The following EDIL3 variants were observed in gnomAD, a reference collection of about 807,000 sequenced individuals.
EDIL3 encodes EGF like and discoidin domains 3.
Under a neutral mutation model 67.4 loss-of-function variants are expected in EDIL3, and 37 were observed. That is an observed-to-expected ratio of 0.55 (90% CI 0.42 to 0.72). EDIL3 has a LOEUF of 0.72. Among genes scored for constraint, EDIL3 ranks in the 30% least tolerant of loss-of-function variants. The pLI, the probability that EDIL3 is intolerant of heterozygous loss-of-function variation, is 0.00. For missense variants in EDIL3, 527 were observed against 586.3 expected (o/e 0.90, Z 1.04); for synonymous variants, 195 against 196.3 (o/e 0.99, Z 0.05).
rs190487151 is a variant in EDIL3 at position 84,117,184 on chromosome 5, C to T, written c.470-10354G>A. On this transcript the variant is annotated intron_variant, in intron 5 of 10. Transcript: ENST00000296591. ...CTGGGACTACAGGCGCCCACCATCACGCCCGGCTAATTTTTTTTTGTATTT... is the reference window on the plus strand; with the variant it reads ...CTGGGACTACAGGCGCCCACCATCATGCCCGGCTAATTTTTTTTTGTATTT... 8.3e-3 allele frequency among the ~76,000 whole-genome samples: 1,257 copies of T among 151,832 alleles called. 10 individuals carry two copies. The highest frequency in any genetic ancestry group is 0.028 in the African/African-American group (1,168 of 41,420).
intron 1 of EDIL3, among the ~76,000 whole-genome samples, chr5:84,328,619 CTA>C (rs1746812607): frequency 6.6e-6 from 1 of 152,146 alleles, no homozygotes; most frequent in East Asian, 1.9e-4. Context: ...GTTCACTCTG[CTA>C]TCTCTTTACC....
chr5:84,330,572 G>A (rs1288539853), intron 1 of EDIL3, among the ~76,000 whole-genome samples: 1 of 152,006 alleles, frequency 6.6e-6, no homozygotes, highest in African/African-American at 2.4e-5. Flanking sequence ...CCTTGATGAA[G>A]GTACAAACTT....
At chr5:84,098,536 T>G (rs1747306603) in intron 6 of EDIL3, among the ~76,000 whole-genome samples, 1 of 85,204 alleles carries the variant, frequency 1.2e-5, no homozygotes, top group South Asian at 5.3e-4. Context: ...TATTAAAGAA[T>G]GCATTAACAA....
chr5:84,307,149 A>G (rs1050067807), intron 1 of EDIL3, among the ~76,000 whole-genome samples: 2 of 152,230 alleles, frequency 1.3e-5, no homozygotes, highest in Non-Finnish European at 2.9e-5. Context: ...AAAATAAAAG[A>G]TAAGTCATTC....
At chr5:84,159,200 A>G (rs1407862439) in intron 4 of EDIL3, among the ~76,000 whole-genome samples, 1 of 152,082 alleles carries the variant, frequency 6.6e-6, no homozygotes, top group African/African-American at 2.4e-5. Flanking sequence ...TTAAAAGGCA[A>G]TATCTATCTA....
At chr5:84,157,884 T>G (rs1054029208) in intron 4 of EDIL3, among the ~76,000 whole-genome samples, 7 of 151,978 alleles carry the variant, frequency 4.6e-5, no homozygotes, top group Non-Finnish European at 8.8e-5. Flanking sequence ...AGAAAGAAAA[T>G]AAAACACAAC....
chr5:84,233,078 C>G (rs1744614062), intron 2 of EDIL3, among the ~76,000 whole-genome samples: 1 of 152,144 alleles, frequency 6.6e-6, no homozygotes, highest in African/African-American at 2.4e-5. Flanking sequence ...TAAACACATT[C>G]ACCAAGAAAA....
chr5:84,311,521 G>GT (rs1746389381), intron 1 of EDIL3, among the ~76,000 whole-genome samples: 1 of 151,488 alleles, frequency 6.6e-6, no homozygotes, highest in African/African-American at 2.4e-5. Flanking sequence ...GTTGTAATCT[G>GT]TATCTTAAAC....
At chr5:84,028,422 T>A (rs996595511) in intron 9 of EDIL3, among the ~76,000 whole-genome samples, 4 of 152,296 alleles carry the variant, frequency 2.6e-5, no homozygotes, top group African/African-American at 7.2e-5. Context: ...AAAGGCAATA[T>A]GATTTAGAAT....
At chr5:83,967,306 G>A (rs768148653) in intron 9 of EDIL3, among the ~76,000 whole-genome samples, 6 of 152,064 alleles carry the variant, frequency 3.9e-5, no homozygotes, top group Non-Finnish European at 5.9e-5. Flanking sequence ...GGGCAACAGA[G>A]CCAGACATCA....
chr5:84,384,012 G>A (rs1381162286), intron 1 of EDIL3, among the ~76,000 whole-genome samples: 7 of 152,128 alleles, frequency 4.6e-5, no homozygotes, highest in Non-Finnish European at 1.0e-4. Flanking sequence ...GTGGCCGAGT[G>A]AGCCACAGAG....
chr5:84,049,995 C>G (rs370557339), intron 9 of EDIL3, among the ~76,000 whole-genome samples: 12 of 151,640 alleles, frequency 7.9e-5, no homozygotes, highest in African/African-American at 2.7e-4. Context: ...GTCAGGAGAT[C>G]GAGACCATCC....
At chr5:84,009,537 A>T (rs1476750756) in intron 9 of EDIL3, among the ~76,000 whole-genome samples, 2 of 152,214 alleles carry the variant, frequency 1.3e-5, no homozygotes, top group African/African-American at 4.8e-5. Flanking sequence ...AAAAACCTAC[A>T]CGTGCTAACA....
At chr5:84,126,600 C>T (rs1747874203) in intron 5 of EDIL3, among the ~76,000 whole-genome samples, 2 of 151,990 alleles carry the variant, frequency 1.3e-5, no homozygotes, top group Non-Finnish European at 2.9e-5. Flanking sequence ...ATGAAAATAT[C>T]TGTGATTTCT....
chr5:83,942,453 A>C lies in EDIL3; in HGVS notation c.*966T>G, dbSNP rs998218395. 12 of 152,006 alleles carry C rather than the reference A, an allele frequency of 7.9e-5. No individual in the cohort carries two copies. The highest frequency in any genetic ancestry group is 2.7e-4 in the African/African-American group (11 of 41,438). The allele number at this position is 152,006 out of a possible 1,614,324, so 9.4% of individuals were successfully genotyped here. A position where few individuals can be genotyped will look rare whatever the true frequency, so the allele number is the denominator to read the frequency against. ...CACTATATTAATATTTCTTTGCTAAATTTTTTATAAAATAAACAAATAAGC... is the reference window on the plus strand; with the variant it reads ...CACTATATTAATATTTCTTTGCTAACTTTTTTATAAAATAAACAAATAAGC... On this transcript the variant is annotated 3_prime_UTR_variant, in exon 11 of 11. Transcript: ENST00000296591.
At chr5:83,952,050 G>A (rs559472356) in intron 10 of EDIL3, among the ~76,000 whole-genome samples, 1 of 151,694 alleles carries the variant, frequency 6.6e-6, no homozygotes, top group Non-Finnish European at 1.5e-5. Flanking sequence ...TTCATTCTAC[G>A]GACTGTTTTC....
intron 4 of EDIL3, among the ~76,000 whole-genome samples, chr5:84,164,943 G>A (rs1053898879): frequency 6.6e-6 from 1 of 152,086 alleles, no homozygotes; most frequent in Non-Finnish European, 1.5e-5. Context: ...TGAGCGATAA[G>A]GGCAAGGGCT....
At chr5:83,992,739 ATTTTATG>A (rs1371484213) in intron 9 of EDIL3, among the ~76,000 whole-genome samples, 5 of 152,096 alleles carry the variant, frequency 3.3e-5, no homozygotes, top group Non-Finnish European at 7.4e-5. Context: ...AATGAAAGAC[ATTTTATG>A]TAAATCTATT....
At chr5:84,312,396 C>T (rs1484988972) in intron 1 of EDIL3, among the ~76,000 whole-genome samples, 2 of 143,370 alleles carry the variant, frequency 1.4e-5, no homozygotes, top group Non-Finnish European at 3.1e-5. Context: ...ACTCCCCCAC[C>T]ACCCTCCCGG....
Sources: gnomAD v4.1 joint callset for allele counts (sites outside exome capture counted in the v4.1 genomes callset) on GRCh38, gnomAD v4.1.1 for gene constraint, MANE v1.5 for transcripts, NCBI Gene and HGNC (gene_info 2026-07-23, HGNC 2026-07-21) for gene names.